SPP1: variants seen among roughly 807,000 people sequenced by gnomAD.
SPP1 encodes the protein secreted phosphoprotein 1, also known as osteopontin.
In SPP1, 18 loss-of-function variants were observed where a neutral mutation model predicts 20.8. That is an observed-to-expected ratio of 0.87 (90% CI 0.60 to 1.29). The LOEUF (loss-of-function observed/expected upper bound fraction) is 1.29. Among genes scored for constraint, SPP1 ranks in the 50% most tolerant of loss-of-function variants. The pLI is 0.00. For missense variants in SPP1, 363 were observed against 389.0 expected, an observed-to-expected ratio of 0.93 and a Z score of 0.56; for synonymous variants, 146 against 141.5, an observed-to-expected ratio of 1.03 and a Z score of -0.23.
At chr4:87,981,913 T>A in intron 6 of SPP1, 115 bp downstream of exon 6, 1 of 912,600 alleles carries the variant, frequency 1.1e-6, no homozygotes, top group Admixed American at 2.7e-5. Flanking sequence ...CAGCAAGAAT[T>A]CATTCATATT....
At chr4:87,978,388 C>CTTTTTTTTTTTTT (rs1159455110) in intron 3 of SPP1, among the ~76,000 whole-genome samples, 1 of 89,680 alleles carries the variant, frequency 1.1e-5, no homozygotes. Flanking sequence ...TTTCCGCCTT[C>CTTTTTTTTTTTTT]TTTTTTTTTT....
rs79496699 is a variant in SPP1, at chr4:87,981,781, C to T, written c.523C>T (p.Arg175Cys). The T allele has an allele frequency of 1.6e-5, 26 of 1,613,636 alleles. No homozygotes were observed. The highest frequency in any genetic ancestry group is 7.7e-5 in the South Asian group (7 of 91,058). The change falls in exon 6 of 7, where the codon CGC (arginine) becomes TGC (cysteine). Residue 175 changes from arginine (R) to cysteine (C), a missense_variant. Arg to Cys is a radical substitution (Grantham distance 180). Transcript: ENST00000395080. ...ACTGAGGTCAAAATCTAAGAAGTTT[C>T]GCAGACCTGACATCCAGGTAAATCC... ...YGLRSKSKKF[R>C]RPDIQYPDAT...
rs45473998 is a variant in SPP1, at chr4:87,981,495, C to A, written c.237C>A (p.Asn79Lys). Reference protein sequence around the residue: ...FKQETLPSKSNESHDHMDDMD... With the variant: ...FKQETLPSKSKESHDHMDDMD... ...TTCAGACCCTTCCAAGTAAGTCCAA[C>A]GAAAGCCATGACCACATGGATGATA... Residue 79 changes from asparagine to lysine, a missense_variant, in exon 6 of 7, where the codon AAC becomes AAA. Asn to Lys is a moderately conservative substitution (Grantham distance 94, BLOSUM62 0). Coordinates refer to ENST00000395080, the MANE Select transcript of SPP1 (RefSeq NM_001040058.2). 13 of 1,613,892 alleles carry A rather than the reference C, an allele frequency of 8.1e-6. No homozygotes were observed. The highest frequency in any genetic ancestry group is 4.0e-5 in the African/African-American group (3 of 74,896).
In SPP1 at chr4:87,982,763, GTGAATTCCACAGCCA is replaced by G; in HGVS notation, c.819_833del (p.Phe278_Glu282del). ...AGTCAGGAACTTTCCAAAGTCAGCCGTGAATTCCACAGCCATGAATTTCACAGCCATGAAGATATG... is the reference window on the plus strand; with the variant it reads ...AGTCAGGAACTTTCCAAAGTCAGCCGTGAATTTCACAGCCATGAAGATATG... On this transcript the variant is annotated inframe_deletion, in exon 7 of 7. Transcript: ENST00000395080. The G allele has an allele frequency of 1.2e-6, 2 of 1,614,126 alleles. No individual in the cohort carries two copies. Among genetic ancestry groups the G allele is most frequent in the South Asian group, 2.2e-5 (2 of 91,084 alleles).
Position 87,982,587 on chromosome 4 carries a change from C to A in SPP1, c.636C>A (p.Asn212Lys). ...YKAIPVAQDL[N>K]APSDWDSRGK... The stretch of plus-strand genomic sequence containing the variant: ...CCATCCCCGTTGCCCAGGACCTGAA[C>A]GCGCCTTCTGATTGGGACAGCCGTG... The change falls in exon 7 of 7, where the codon AAC (asparagine) becomes AAA (lysine). Residue 212 changes from asparagine to lysine, a missense_variant. Coordinates refer to ENST00000395080, the MANE Select transcript of SPP1 (RefSeq NM_001040058.2). The A allele has an allele frequency of 6.2e-7, 1 of 1,614,082 alleles. No individual in the cohort carries two copies. Among genetic ancestry groups the A allele is most frequent in the South Asian group, 1.1e-5 (1 of 91,072 alleles).
In SPP1 at chr4:87,981,547, G is replaced by A; in HGVS notation, c.289G>A (p.Val97Met). ...GGATGATGAAGATGATGATGACCAT[G>A]TGGACAGCCAGGACTCCATTGACTC... ...DMDDEDDDDH[V>M]DSQDSIDSND... is the part of the protein sequence containing the mutation. The change falls in exon 6 of 7, where the codon GTG becomes ATG. Residue 97 changes from valine (V) to methionine (M), a missense_variant. Val to Met is a conservative substitution (Grantham distance 21, BLOSUM62 1). Coordinates refer to ENST00000395080, the MANE Select transcript of SPP1 (RefSeq NM_001040058.2). The A allele has an allele frequency of 6.2e-7, 1 of 1,614,134 alleles. No individual in the cohort carries two copies. Among genetic ancestry groups the A allele is most frequent in the Non-Finnish European group, 8.5e-7 (1 of 1,179,984 alleles).
At chr4:87,980,239 C>T in intron 4 of SPP1, 113 bp downstream of exon 4, 2 of 1,463,248 alleles carry the variant, frequency 1.4e-6, no homozygotes, top group Non-Finnish European at 1.9e-6. Context: ...GTGCTTAGGA[C>T]ATTGACTGAT....
Position 87,976,925 on chromosome 4 carries a change from C to A in SPP1, c.30C>A (p.Leu10=), listed in dbSNP as rs1221044162. MRIAVICFC[L]LGITCAIPVK... ...GAATTGCAGTGATTTGCTTTTGCCT[C>A]CTAGGCATCACCTGTGCCATACCAG... Residue 10 remains leucine (L), a synonymous_variant, in exon 2 of 7, where the codon CTC becomes CTA. Transcript: ENST00000395080. 7 of 1,613,572 alleles carry A rather than the reference C, an allele frequency of 4.3e-6. No individual in the cohort carries two copies. In the South Asian group the frequency reaches 7.7e-5, roughly 18 times the overall value.
At position 87,980,450 on chromosome 4, in the gene SPP1, C is replaced by T; in HGVS notation, c.216+16C>T. 3.1e-6 allele frequency: 5 copies of T among 1,613,502 alleles called. No individual in the cohort carries two copies. Among genetic ancestry groups the T allele is most frequent in the Non-Finnish European group, 4.2e-6 (5 of 1,179,654 alleles). On this transcript the variant is annotated intron_variant, in intron 5 of 6. Coordinates refer to ENST00000395080, the MANE Select transcript of SPP1 (RefSeq NM_001040058.2). ...TAAACAAGAGGTAAGTTCTCATTTT[C>T]AATCAGAGGCCCATCATGCCTTGAA... is the stretch of plus-strand genomic sequence containing the variant.
At chr4:87,979,321 C>T (rs1358582593) in intron 3 of SPP1, among the ~76,000 whole-genome samples, 4 of 151,662 alleles carry the variant, frequency 2.6e-5, no homozygotes, top group African/African-American at 7.3e-5. Flanking sequence ...CCTGCCACCA[C>T]GCCCGGCTAT....
chr4:87,981,533 A>G lies in SPP1; in HGVS notation c.275A>G (p.Asp92Gly), dbSNP rs776751367. Reference protein sequence around the residue: ...HDHMDDMDDEDDDDHVDSQDS... With the variant: ...HDHMDDMDDEGDDDHVDSQDS... ...CACATGGATGATATGGATGATGAAG[A>G]TGATGATGACCATGTGGACAGCCAG... Residue 92 changes from aspartate (D) to glycine (G), a missense_variant, in exon 6 of 7, where the codon GAT becomes GGT. Coordinates refer to ENST00000395080, the MANE Select transcript of SPP1 (RefSeq NM_001040058.2). 1 of 1,613,212 alleles carries G rather than the reference A, an allele frequency of 6.2e-7. No homozygotes were observed. Among genetic ancestry groups the G allele is most frequent in the Non-Finnish European group, 8.5e-7 (1 of 1,179,692 alleles).
At chr4:87,980,304 A>G (rs1354249356) in intron 4 of SPP1, 89 bp from the exon 5 acceptor site, 18 of 1,574,204 alleles carry the variant, frequency 1.1e-5, no homozygotes, top group Non-Finnish European at 1.6e-5. Flanking sequence ...GCTGAAAAAT[A>G]AAAACTGCTT....
At chr4:87,977,551 G>C in intron 3 of SPP1, 1 of 591,130 alleles carries the variant, frequency 1.7e-6, no homozygotes, top group South Asian at 4.1e-5. Flanking sequence ...ATTGTGAAAA[G>C]AAAGTCTATG....
At chr4:87,979,103 T>C (rs1489094823) in intron 3 of SPP1, among the ~76,000 whole-genome samples, 1 of 152,180 alleles carries the variant, frequency 6.6e-6, no homozygotes, top group African/African-American at 2.4e-5. Context: ...AAGATACATA[T>C]GGCTATTGAG....
chr4:87,981,897 TC>T, intron 6 of SPP1, 99 bp downstream of exon 6: 1 of 1,049,324 alleles, frequency 9.5e-7, no homozygotes, highest in Non-Finnish European at 1.4e-6. Flanking sequence ...CATTCATTCA[TC>T]CATTCAGCAA....
chr4:87,980,191 G>T lies in SPP1; in HGVS notation c.174+65G>T, dbSNP rs574092120. The stretch of plus-strand genomic sequence containing the variant: ...AGATAGCCACACTCAGGCCATTTGG[G>T]CTGCTCAGATGAATCCTGCCTGCCT... On this transcript the variant is annotated intron_variant, in intron 4 of 6. Transcript: ENST00000395080. 14 of 1,578,892 alleles carry T rather than the reference G, an allele frequency of 8.9e-6. No individual in the cohort carries two copies. In the African/African-American group the frequency reaches 1.9e-4, roughly 21 times the overall value.
At chr4:87,978,068 A>T (rs1385954326) in intron 3 of SPP1, 1 of 177,980 alleles carries the variant, frequency 5.6e-6, no homozygotes, top group Admixed American at 6.4e-5. Flanking sequence ...ACAATTTAAG[A>T]AATACGTGAA....
chr4:87,979,364 G>T (rs1211554559), intron 3 of SPP1, among the ~76,000 whole-genome samples: 1 of 151,554 alleles, frequency 6.6e-6, no homozygotes, highest in Non-Finnish European at 1.5e-5. Flanking sequence ...TAGTAGAAAC[G>T]GGGTTTCACT....
intron 3 of SPP1, among the ~76,000 whole-genome samples, chr4:87,978,431 C>T (rs1176909012): frequency 2.4e-4 from 34 of 141,278 alleles, no homozygotes; most frequent in Non-Finnish European, 3.2e-4. Context: ...AGTCTCGCTC[C>T]GTCGCCCAGG....
Sources: allele counts gnomAD v4.1 joint callset (sites outside exome capture counted in the v4.1 genomes callset), GRCh38; gene constraint gnomAD v4.1.1; transcripts MANE v1.5; gene names NCBI Gene and HGNC (gene_info 2026-07-23, HGNC 2026-07-21).